Variants in ZNF286A observed in about 807,000 individuals in gnomAD.
The protein encoded by ZNF286A is zinc finger protein 286A, also known as zinc finger protein ZNF286.
A neutral mutation model predicts 49.3 loss-of-function variants in ZNF286A; 34 were observed. The observed-to-expected ratio is 0.69, with a 90% CI of 0.52 to 0.92. ZNF286A has a LOEUF of 0.92. ZNF286A is among the 40% of genes least tolerant of loss of function. ZNF286A has a pLI of 0.00. For missense variants in ZNF286A, 462 were observed against 600.2 expected (o/e 0.77, Z 2.41); for synonymous variants, 155 against 200.4 (o/e 0.77, Z 1.91).
intron 3 of ZNF286A, among the ~76,000 whole-genome samples, chr17:15,702,214 T>G (rs1249917920): frequency 2.0e-5 from 3 of 151,608 alleles, no homozygotes; most frequent in Non-Finnish European, 4.4e-5. Flanking sequence ...TGTTTGAAAC[T>G]TTTATTAAAA....
At chr17:15,701,869 T>C (rs1376244282) in intron 3 of ZNF286A, among the ~76,000 whole-genome samples, 1 of 152,178 alleles carries the variant, frequency 6.6e-6, no homozygotes, top group African/African-American at 2.4e-5. Context: ...ATGCCTGTAA[T>C]TCCAGCACTT....
intron 5 of ZNF286A, 39 bp downstream of exon 5, chr17:15,708,286 C>A: frequency 6.7e-7 from 1 of 1,493,662 alleles, no homozygotes; most frequent in Admixed American, 2.1e-5. Context: ...AATGATAGCC[C>A]AGCAGGACAA....
At chr17:15,710,121 T>C (rs1235018469) in intron 5 of ZNF286A, among the ~76,000 whole-genome samples, 1 of 152,194 alleles carries the variant, frequency 6.6e-6, no homozygotes, top group African/African-American at 2.4e-5. Flanking sequence ...ATTGGGCTGT[T>C]TATATCTTTT....
In ZNF286A at chr17:15,709,978, C is replaced by G. The variant is rs1398206905; in HGVS notation, c.334+1731C>G. 4 of 1,467,186 alleles carry G rather than the reference C, an allele frequency of 2.7e-6. No homozygotes were observed. In the East Asian group the frequency reaches 1.0e-4, roughly 37 times the overall value. 90.9% of individuals were successfully genotyped at this position (1,467,186 alleles called of 1,614,324 possible). A position where few individuals can be genotyped will look rare whatever the true frequency, so the allele number is the denominator to read the frequency against. On this transcript the variant is annotated intron_variant, in intron 5 of 5. Coordinates refer to ENST00000583566, the MANE Select transcript of ZNF286A (RefSeq NM_001130842.2). ...ATCAGACTTGTTAATTTTTGTCAATCTGACGGATGCAAAATGATGTTTTAA... is the reference window on the plus strand; with the variant it reads ...ATCAGACTTGTTAATTTTTGTCAATGTGACGGATGCAAAATGATGTTTTAA...
Position 15,718,544 on chromosome 17 carries a change from C to T in ZNF286A, c.*1254C>T, listed in dbSNP as rs1333155966. On this transcript the variant is annotated 3_prime_UTR_variant, in exon 6 of 6. Coordinates refer to ENST00000583566, the MANE Select transcript of ZNF286A (RefSeq NM_001130842.2). ...TTCAGTGTGTTATTATATTTAGGGT[C>T]CCAGTAAAGAAGAACTGAAGCAACT... is the stretch of plus-strand genomic sequence containing the variant. 1 of 149,874 alleles carries T rather than the reference C, an allele frequency of 6.7e-6. No homozygotes were observed. The highest frequency in any genetic ancestry group is 1.5e-5 in the Non-Finnish European group (1 of 67,642). The allele number at this position is 149,874 out of a possible 1,614,324, so 9.3% of individuals were successfully genotyped here. A position where few individuals can be genotyped will look rare whatever the true frequency, so the allele number is the denominator to read the frequency against.
At chr17:15,704,768 C>T in intron 3 of ZNF286A, 2 of 1,614,040 alleles carry the variant, frequency 1.2e-6, no homozygotes, top group Non-Finnish European at 1.7e-6. Context: ...TCGATGGTGA[C>T]CTGGAGGTCG....
chr17:15,716,568 C>A lies in ZNF286A; in HGVS notation c.844C>A (p.His282Asn), dbSNP rs1477457268. 6.2e-7 allele frequency: 1 copy of A among 1,613,996 alleles called. No individual in the cohort carries two copies. Among genetic ancestry groups the A allele is most frequent in the Middle Eastern group, 1.7e-4 (1 of 6,060 alleles). ...CAATGAATGTGGGAAATCTTTTAGC[C>A]ACAGAGCTAATTTAACTAAACACCA... ...TCNECGKSFS[H>N]RANLTKHQRT... Residue 282 changes from histidine to asparagine, a missense_variant, in exon 6 of 6, where the codon CAC (histidine) becomes AAC (asparagine). By Grantham distance (68) the His-to-Asn change is moderately conservative. Transcript: ENST00000583566.
chr17:15,704,063 A>ATTT lies in ZNF286A; in HGVS notation c.127-2322_127-2321insTTT, dbSNP rs1214012896. Among the ~76,000 whole-genome samples, 335 of 103,804 alleles carry ATTT rather than the reference A, an allele frequency of 3.2e-3. 1 individual carries two copies. The highest frequency in any genetic ancestry group is 8.7e-3 in the African/African-American group (254 of 29,362). The allele number at this position is 103,804 out of a possible 152,430, so 68.1% of individuals were successfully genotyped here. A position where few individuals can be genotyped will look rare whatever the true frequency, so the allele number is the denominator to read the frequency against. The stretch of plus-strand genomic sequence containing the variant: ...AGGGAATAATTCTCTTATTATTATT[A>ATTT]TTATTTTTTTTTTTTTGCTTTTCCA... On this transcript the variant is annotated intron_variant, in intron 3 of 5. Transcript: ENST00000583566.
At chr17:15,700,661 G>A (rs2151446793) in intron 2 of ZNF286A, 1 of 449,810 alleles carries the variant, frequency 2.2e-6, no homozygotes, top group East Asian at 5.2e-5. Flanking sequence ...TTACATAGGA[G>A]AAAACAGGCG....
chr17:15,714,222 A>T (rs1966908428), intron 5 of ZNF286A, among the ~76,000 whole-genome samples: 1 of 151,968 alleles, frequency 6.6e-6, no homozygotes, highest in Non-Finnish European at 1.5e-5. Context: ...GATGGGGAAG[A>T]ATACAAGGAC....
Position 15,716,846 on chromosome 17 carries a change from A to T in ZNF286A, c.1122A>T (p.Arg374Ser), listed in dbSNP as rs1455143176. The T allele has an allele frequency of 1.9e-6, 3 of 1,608,586 alleles. No homozygotes were observed. The highest frequency in any genetic ancestry group is 8.5e-7 in the Non-Finnish European group (1 of 1,178,160). ...CATCAGCACTCATTAAACATCAAAG[A>T]ACTCATACTGGAGAGAAACCTTATA... The part of the protein sequence containing the change: ...IHSSALIKHQ[R>S]THTGEKPYKC... Residue 374 changes from arginine to serine, a missense_variant, in exon 6 of 6, where the codon AGA becomes AGT. Around this residue, in one of 3 missense-constraint regions of ZNF286A, gnomAD observed 201 missense variants for 311.3 expected, o/e 0.65. Coordinates refer to ENST00000583566, the MANE Select transcript of ZNF286A (RefSeq NM_001130842.2).
At position 15,718,650 on chromosome 17, in the gene ZNF286A, T is replaced by A. The variant is rs1353455685; in HGVS notation, c.*1360T>A. ...GCTCACAGGATAGTCCTCAACTGAC[T>A]TGCTTGAGGATAAGCAGCTTCCCTT... On this transcript the variant is annotated 3_prime_UTR_variant, in exon 6 of 6. Coordinates refer to ENST00000583566, the MANE Select transcript of ZNF286A (RefSeq NM_001130842.2). 5 of 151,444 alleles carry A rather than the reference T, an allele frequency of 3.3e-5. No individual in the cohort carries two copies. The highest frequency in any genetic ancestry group is 1.2e-4 in the African/African-American group (5 of 40,954). 9.4% of individuals were successfully genotyped at this position (151,444 alleles called of 1,614,324 possible). A position where few individuals can be genotyped will look rare whatever the true frequency, so the allele number is the denominator to read the frequency against.
At chr17:15,704,710 A>G in intron 3 of ZNF286A, 1 of 1,613,794 alleles carries the variant, frequency 6.2e-7, no homozygotes, top group Non-Finnish European at 8.5e-7. Flanking sequence ...CCCCAGCAGG[A>G]GTTTCATGCG....
intron 5 of ZNF286A, among the ~76,000 whole-genome samples, chr17:15,713,870 A>G (rs1348940864): frequency 1.3e-5 from 2 of 152,088 alleles, no homozygotes; most frequent in African/African-American, 4.8e-5. Context: ...GTTGTCCTTG[A>G]TATGACAGGT....
At position 15,717,207 on chromosome 17, in the gene ZNF286A, A is replaced by T; in HGVS notation, c.1483A>T (p.Arg495Ter). 1.2e-6 allele frequency: 2 copies of T among 1,607,708 alleles called. No individual in the cohort carries two copies. The highest frequency in any genetic ancestry group is 1.7e-6 in the Non-Finnish European group (2 of 1,177,028). Reference sequence around the variant, plus strand: ...AACTCATACCGGAGAGAAACCCTTTAGATGTAATGAGTGTGGGAAAAGCTT... The same window carrying T: ...AACTCATACCGGAGAGAAACCCTTTTGATGTAATGAGTGTGGGAAAAGCTT... ...QRTHTGEKPFRCNECGKSFKC... is the reference protein window; with the variant it reads ...QRTHTGEKPF The change falls in exon 6 of 6, where the codon AGA becomes TGA. Residue 495 changes from arginine (R) to a stop codon, truncating the protein, a stop_gained. Transcript: ENST00000583566. LOFTEE classifies it high-confidence loss of function.
rs755011846 is a variant in ZNF286A, at chr17:15,717,016, T to G, written c.1292T>G (p.Ile431Ser). 5 of 1,614,000 alleles carry G rather than the reference T, an allele frequency of 3.1e-6. No individual in the cohort carries two copies. Among genetic ancestry groups the G allele is most frequent in the Non-Finnish European group, 4.2e-6 (5 of 1,179,998 alleles). ...QSTHLVQHQR[I>S]HTGEKPYECN... The stretch of plus-strand genomic sequence containing the variant: ...ACACATCTTGTTCAACATCAGAGAA[T>G]TCACACTGGAGAGAAACCCTATGAG... The change falls in exon 6 of 6, where the codon ATT (isoleucine) becomes AGT (serine). Residue 431 changes from isoleucine to serine, a missense_variant. By Grantham distance (142) the Ile-to-Ser change is moderately radical. This residue lies in a region of ZNF286A where 201 missense variants were observed against 311.3 expected (regional missense o/e 0.65). Coordinates refer to ENST00000583566, the MANE Select transcript of ZNF286A (RefSeq NM_001130842.2).
intron 5 of ZNF286A, chr17:15,708,456 C>T (rs888707817): frequency 1.8e-5 from 7 of 388,600 alleles, no homozygotes; most frequent in East Asian, 7.7e-5. Flanking sequence ...TATTTTGCTT[C>T]GTTTGCCTCT....
rs559227309 is a variant in ZNF286A at position 15,699,886 on chromosome 17, C to T, written c.-196+109C>T. 6.7e-4 allele frequency: 469 copies of T among 698,494 alleles called. 4 individuals carry two copies. The African/African-American group carries it at 7.1e-3, about 11-fold the overall frequency. 43.3% of individuals were successfully genotyped at this position (698,494 alleles called of 1,614,324 possible). On this transcript the variant is annotated intron_variant, in intron 1 of 5. Transcript: ENST00000583566. ...GAGTGCGCGTTTGTTAAAGGGGCCTCGAGGGCAGACCATGAGCCCTGTCCC... is the reference window on the plus strand; with the variant it reads ...GAGTGCGCGTTTGTTAAAGGGGCCTTGAGGGCAGACCATGAGCCCTGTCCC...
chr17:15,715,961 G>A lies in ZNF286A; in HGVS notation c.335-98G>A, dbSNP rs761116444. The A allele has an allele frequency of 1.7e-5, 27 of 1,552,932 alleles. No homozygotes were observed. In the African/African-American group the frequency reaches 2.4e-4, roughly 14 times the overall value. On this transcript the variant is annotated intron_variant, in intron 5 of 5. Transcript: ENST00000583566. ...GAGTCAAATCCACTTGCTCCTTGAAGGCATGCTTTTCACTTTCATTAACTC... is the reference window on the plus strand; with the variant it reads ...GAGTCAAATCCACTTGCTCCTTGAAAGCATGCTTTTCACTTTCATTAACTC...
Sources: gnomAD v4.1 joint callset for allele counts (sites outside exome capture counted in the v4.1 genomes callset) on GRCh38, gnomAD v4.1.1 for gene constraint, gnomAD v4.1.1 regional missense constraint, MANE v1.5 for transcripts, NCBI Gene and HGNC (gene_info 2026-07-23, HGNC 2026-07-21) for gene names.